The following GALNTL5 variants were observed in gnomAD, a reference collection of about 807,000 sequenced individuals.
GALNTL5 encodes inactive polypeptide N-acetylgalactosaminyltransferase-like protein 5.
In GALNTL5, 44 loss-of-function variants were observed where a neutral mutation model predicts 51.0. The observed-to-expected ratio is 0.86, with a 90% confidence interval of 0.68 to 1.11. The LOEUF (loss-of-function observed/expected upper bound fraction) is 1.11. Ranked by LOEUF, GALNTL5 falls within the 50% of genes least tolerant of loss-of-function variation. The probability of loss-of-function intolerance (pLI) is 0.00; values close to 1 mark genes in which losing one functional copy is unlikely to be tolerated. For missense variants in GALNTL5, 528 were observed against 531.8 expected (o/e 0.99, Z 0.07); for synonymous variants, 192 against 182.8 (o/e 1.05, Z -0.41).
At chr7:152,013,987 T>A (rs73730334) in intron 7 of GALNTL5, among the ~76,000 whole-genome samples, 1,524 of 152,378 alleles carry the variant, frequency 0.01, 18 homozygotes, top group African/African-American at 0.035. Flanking sequence ...AATTCAGTCA[T>A]GATCAGCATT....
At chr7:152,003,283 T>G (rs2081605581) in intron 6 of GALNTL5, among the ~76,000 whole-genome samples, 1 of 152,228 alleles carries the variant, frequency 6.6e-6, no homozygotes, top group Admixed American at 6.5e-5. Context: ...CAAACAGATC[T>G]GGTTTGAAGG....
intron 3 of GALNTL5, among the ~76,000 whole-genome samples, chr7:151,971,367 A>C (rs1413762693): frequency 6.6e-6 from 1 of 152,232 alleles, no homozygotes. Flanking sequence ...TTCTGGCCAA[A>C]GGGGCATTCA....
At chr7:151,969,362 G>C (rs2081099123) in intron 2 of GALNTL5, among the ~76,000 whole-genome samples, 1 of 152,178 alleles carries the variant, frequency 6.6e-6, no homozygotes, top group African/African-American at 2.4e-5. Context: ...TGTGAGGTAA[G>C]AATAAATGCT....
chr7:152,001,275 T>C lies in GALNTL5; in HGVS notation c.659-1439T>C, dbSNP rs534030910. On this transcript the variant is annotated intron_variant, in intron 5 of 8. Coordinates refer to ENST00000392800, the MANE Select transcript of GALNTL5 (RefSeq NM_145292.4). ...CACAAAAGTTTTTGCTTTTGATGAA[T>C]TCCAACGTATATGTTTTTTCTTATG... 5.3e-5 allele frequency among the ~76,000 whole-genome samples: 8 copies of C among 152,138 alleles called. No individual in the cohort carries two copies. In the East Asian group the frequency reaches 1.5e-3, roughly 29 times the overall value.
intron 8 of GALNTL5, 81 bp downstream of exon 8, chr7:152,014,874 C>G: frequency 7.5e-7 from 1 of 1,328,740 alleles, no homozygotes; most frequent in African/African-American, 1.5e-5. Context: ...TGCTGCCTTT[C>G]CAGATCCAGC....
At chr7:152,016,720 G>C (rs777223773) in intron 8 of GALNTL5, among the ~76,000 whole-genome samples, 1 of 152,016 alleles carries the variant, frequency 6.6e-6, no homozygotes, top group East Asian at 1.9e-4. Context: ...ATATTTAGTC[G>C]CTATAATCCT....
intron 8 of GALNTL5, among the ~76,000 whole-genome samples, chr7:152,019,067 T>G (rs756793122): frequency 2.6e-5 from 4 of 152,216 alleles, no homozygotes; most frequent in African/African-American, 9.6e-5. Context: ...GTGGTAATAA[T>G]GACCACCTCA....
chr7:151,998,664 T>C (rs1372174251), intron 5 of GALNTL5, among the ~76,000 whole-genome samples: 1 of 151,454 alleles, frequency 6.6e-6, no homozygotes, highest in Non-Finnish European at 1.5e-5. Flanking sequence ...CCCAGCTACT[T>C]GGGAGGCTGA....
chr7:151,981,708 G>T (rs1330231060), intron 3 of GALNTL5, among the ~76,000 whole-genome samples: 1 of 137,872 alleles, frequency 7.3e-6, no homozygotes, highest in East Asian at 2.2e-4. Flanking sequence ...GGATGCAGTG[G>T]TATGGTCTTG....
intron 3 of GALNTL5, among the ~76,000 whole-genome samples, chr7:151,979,448 C>T (rs1265188693): frequency 6.6e-6 from 1 of 150,562 alleles, no homozygotes; most frequent in Non-Finnish European, 1.5e-5. Flanking sequence ...TCTTAGGTCC[C>T]AGCAAGGATT....
chr7:152,018,573 C>T (rs537815854), intron 8 of GALNTL5, among the ~76,000 whole-genome samples: 5 of 152,034 alleles, frequency 3.3e-5, no homozygotes, highest in Admixed American at 6.6e-5. Flanking sequence ...AGGGATATGA[C>T]GTGTTAAGTA....
intron 3 of GALNTL5, among the ~76,000 whole-genome samples, chr7:151,972,818 C>G (rs914143104): frequency 1.3e-5 from 2 of 152,188 alleles, no homozygotes; most frequent in South Asian, 2.1e-4. Flanking sequence ...CAGGCAGAAG[C>G]CTGCTGCGGG....
chr7:151,986,727 C>CT lies in GALNTL5; in HGVS notation c.536-415dup, dbSNP rs5888461. ...CCCTTAAATGGGATAAAAATTCTATCTTTTTTTTTTTTTTTTTGAGATAGG... is the reference window on the plus strand; with the variant it reads ...CCCTTAAATGGGATAAAAATTCTATCTTTTTTTTTTTTTTTTTTGAGATAGG... On this transcript the variant is annotated intron_variant, in intron 4 of 8. Coordinates refer to ENST00000392800, the MANE Select transcript of GALNTL5 (RefSeq NM_145292.4). Among the ~76,000 whole-genome samples, 834 of 134,772 alleles carry CT rather than the reference C, an allele frequency of 6.2e-3. 6 individuals are homozygous for CT. Among genetic ancestry groups the CT allele is most frequent in the African/African-American group, 0.023 (807 of 35,712 alleles). 88.4% of individuals were successfully genotyped at this position (134,772 alleles called of 152,430 possible). A position where few individuals can be genotyped will look rare whatever the true frequency, so the allele number is the denominator to read the frequency against.
At chr7:151,962,426 A>ATTTTTTTTC (rs1554403528) in intron 1 of GALNTL5, among the ~76,000 whole-genome samples, 2 of 33,908 alleles carry the variant, frequency 5.9e-5, no homozygotes, top group Admixed American at 3.1e-4. Flanking sequence ...AGTCTGTGTG[A>ATTTTTTTTC]TTTTTTTTTC....
intron 7 of GALNTL5, among the ~76,000 whole-genome samples, chr7:152,008,630 A>G (rs994604782): frequency 1.3e-5 from 2 of 151,554 alleles, no homozygotes; most frequent in Non-Finnish European, 2.9e-5. Flanking sequence ...TTCTTTCATA[A>G]TGCTTCAGAT....
intron 3 of GALNTL5, among the ~76,000 whole-genome samples, chr7:151,977,589 A>G (rs756910168): frequency 1.3e-5 from 2 of 152,170 alleles, no homozygotes; most frequent in Non-Finnish European, 2.9e-5. Context: ...TTTTGATATC[A>G]GACTTATACT....
At chr7:152,010,780 AAAT>A (rs201091343) in intron 7 of GALNTL5, among the ~76,000 whole-genome samples, 29 of 142,864 alleles carry the variant, frequency 2.0e-4, no homozygotes, top group East Asian at 4.0e-4. Context: ...AAAAAAAAAA[AAAT>A]TATTTTTGAT....
chr7:151,961,729 G>A lies in GALNTL5; in HGVS notation c.-40+5120G>A, dbSNP rs114290652. On this transcript the variant is annotated intron_variant, in intron 1 of 8. Coordinates refer to ENST00000392800, the MANE Select transcript of GALNTL5 (RefSeq NM_145292.4). Reference sequence around the variant, plus strand: ...TCCAGGTGCAGGGATGACATGTGATGGAAAGGGGCAGGGTCCAGGGGACAA... The same window carrying A: ...TCCAGGTGCAGGGATGACATGTGATAGAAAGGGGCAGGGTCCAGGGGACAA... 8.5e-3 allele frequency among the ~76,000 whole-genome samples: 1,300 copies of A among 152,274 alleles called. 18 individuals are homozygous for A. Among genetic ancestry groups the A allele is most frequent in the African/African-American group, 0.03 (1,233 of 41,558 alleles).
chr7:151,981,681 C>CT (rs760011757), intron 3 of GALNTL5, among the ~76,000 whole-genome samples: 901 of 65,454 alleles, frequency 0.014, 13 homozygotes, highest in African/African-American at 0.047. Context: ...TTCTTTCTTT[C>CT]TTTTTTTTTT....
Sources: gnomAD v4.1 joint callset for allele counts (sites outside exome capture counted in the v4.1 genomes callset) on GRCh38, gnomAD v4.1.1 for gene constraint, MANE v1.5 for transcripts, NCBI Gene and HGNC (gene_info 2026-07-23, HGNC 2026-07-21) for gene names.